Variants in DMD observed in about 807,000 individuals in gnomAD.
DMD encodes dystrophin, also known as mutant dystrophin.
In DMD, 63 loss-of-function variants were observed where a neutral mutation model predicts 330.1. The ratio of observed to expected loss-of-function variants is 0.19; its 90% CI spans 0.16 to 0.24. The LOEUF is 0.24. Among genes scored for constraint, DMD ranks in the 10% least tolerant of loss-of-function variants. The pLI, the probability that DMD is intolerant of heterozygous loss-of-function variation, is 1.00. For missense variants in DMD, 3,344 were observed against 2,684.1 expected, an observed-to-expected ratio of 1.25 and a Z score of -5.43; for synonymous variants, 1,223 against 959.8, an observed-to-expected ratio of 1.27 and a Z score of -5.07.
intron 44 of DMD, among the ~76,000 whole-genome samples, chrX:32,089,722 C>A: frequency 8.9e-6 from 1 of 111,887 alleles, no homozygotes; most frequent in Admixed American, 9.5e-5. Flanking sequence ...CATGTCTTTG[C>A]TATTGTGAGT....
intron 55 of DMD, among the ~76,000 whole-genome samples, chrX:31,572,269 C>T (rs180711042): frequency 4.0e-4 from 45 of 112,386 alleles, no homozygotes; most frequent in Admixed American, 2.3e-3. Context: ...ATAGTAGAAT[C>T]GTGCCGCAGT....
chrX:33,009,628 G>GTATACGTA lies in DMD; in HGVS notation c.93+10510_93+10511insTACGTATA, dbSNP rs1418584127. Reference sequence around the variant, plus strand: ...TATATACACATATGTGTGTATGTGTGTATGTGTATATACACATATGTGTGT... The same window carrying GTATACGTA: ...TATATACACATATGTGTGTATGTGTGTATACGTATATGTGTATATACACATATGTGTGT... On this transcript the variant is annotated intron_variant, in intron 2 of 78. Transcript: ENST00000357033. Among the ~76,000 whole-genome samples, 10 of 49,851 alleles carry GTATACGTA rather than the reference G, an allele frequency of 2.0e-4. 1 individual carries two copies. The highest frequency in any genetic ancestry group is 1.1e-3 in the East Asian group (1 of 890). The allele number at this position is 49,851 out of a possible 115,157, so 43.3% of individuals were successfully genotyped here. A position where few individuals can be genotyped will look rare whatever the true frequency, so the allele number is the denominator to read the frequency against.
intron 55 of DMD, among the ~76,000 whole-genome samples, chrX:31,545,896 G>A (rs1442132244): frequency 1.8e-5 from 2 of 112,003 alleles, no homozygotes; most frequent in African/African-American, 6.5e-5. Flanking sequence ...AACCCTATGA[G>A]GTCATTAATC....
intron 44 of DMD, among the ~76,000 whole-genome samples, chrX:32,007,489 T>C (rs932536112): frequency 1.2e-4 from 13 of 110,860 alleles, no homozygotes; most frequent in Non-Finnish European, 2.5e-4. Flanking sequence ...TGTGGTAATT[T>C]GTTACATCTG....
chrX:32,891,974 C>T (rs1346359515), intron 2 of DMD, among the ~76,000 whole-genome samples: 2 of 111,279 alleles, frequency 1.8e-5, no homozygotes, highest in African/African-American at 6.5e-5. Context: ...AGTATAGCCA[C>T]GTGACACAGA....
At chrX:32,959,389 G>A (rs1050044236) in intron 2 of DMD, among the ~76,000 whole-genome samples, 3 of 111,373 alleles carry the variant, frequency 2.7e-5, no homozygotes, top group Non-Finnish European at 3.8e-5. Flanking sequence ...TGTGTTTTAT[G>A]TAAAACACAC....
chrX:32,211,313 G>C (rs2097092850), intron 44 of DMD, among the ~76,000 whole-genome samples: 1 of 111,976 alleles, frequency 8.9e-6, no homozygotes, highest in African/African-American at 3.2e-5. Flanking sequence ...TTGATGGTGG[G>C]ACCATGTGAA....
intron 43 of DMD, among the ~76,000 whole-genome samples, chrX:32,239,235 T>C (rs1348066197): frequency 2.7e-5 from 3 of 112,047 alleles, no homozygotes; most frequent in Admixed American, 9.5e-5. Context: ...TAGAATGATC[T>C]TCTAAGATTC....
At chrX:32,827,056 ACC>A (rs1174768674) in intron 4 of DMD, among the ~76,000 whole-genome samples, 2 of 59,863 alleles carry the variant, frequency 3.3e-5, no homozygotes, top group Non-Finnish European at 5.9e-5. Context: ...CACACATCGC[ACC>A]CCCCCCCCAC....
chrX:32,551,878 A>C (rs933708750), intron 16 of DMD, among the ~76,000 whole-genome samples: 5 of 111,881 alleles, frequency 4.5e-5, no homozygotes, highest in African/African-American at 1.6e-4. Flanking sequence ...CCCATTCATA[A>C]TTGTCAAAAA....
chrX:32,043,769 A>G (rs1204606771), intron 44 of DMD, among the ~76,000 whole-genome samples: 1 of 112,135 alleles, frequency 8.9e-6, no homozygotes, highest in African/African-American at 3.2e-5. Flanking sequence ...TCACCTAGGC[A>G]GTATGCCCAA....
chrX:31,655,735 T>C lies in DMD; in HGVS notation c.8027+2255A>G, dbSNP rs1603441391. On this transcript the variant is annotated intron_variant, in intron 54 of 78. Coordinates refer to ENST00000357033, the MANE Select transcript of DMD (RefSeq NM_004006.3). ...TCTTTTGGTCTTCCACCTTCCATCA[T>C]GGAATCATGACACAACAAGAAGGCC... 2.7e-5 allele frequency among the ~76,000 whole-genome samples: 3 copies of C among 111,021 alleles called. No homozygotes were observed. The South Asian group carries it at 1.1e-3, about 42-fold the overall frequency.
At chrX:32,767,682 A>AT (rs2148434982) in intron 7 of DMD, among the ~76,000 whole-genome samples, 1 of 111,925 alleles carries the variant, frequency 8.9e-6, no homozygotes, top group East Asian at 2.8e-4. Context: ...TATTAAGCTA[A>AT]TGCTATTTTG....
At chrX:31,677,406 C>T (rs940955954) in intron 53 of DMD, among the ~76,000 whole-genome samples, 2 of 111,872 alleles carry the variant, frequency 1.8e-5, no homozygotes, top group African/African-American at 6.5e-5. Context: ...GGATCCAGTC[C>T]AAACTTCGTA....
chrX:32,217,922 G>T (rs2097119201), intron 43 of DMD, among the ~76,000 whole-genome samples: 1 of 111,635 alleles, frequency 9.0e-6, no homozygotes, highest in South Asian at 3.7e-4. Context: ...TTAAATAACC[G>T]ATATACTAAA....
At chrX:32,915,561 C>G (rs2087721755) in intron 2 of DMD, among the ~76,000 whole-genome samples, 1 of 111,105 alleles carries the variant, frequency 9.0e-6, no homozygotes, top group South Asian at 3.8e-4. Context: ...GGCTAAATCA[C>G]CCCCTCTCTC....
chrX:32,328,970 A>C (rs904331581), intron 41 of DMD, among the ~76,000 whole-genome samples: 1 of 111,644 alleles, frequency 9.0e-6, no homozygotes, highest in African/African-American at 3.3e-5. Context: ...CTGACATAAA[A>C]ATACAGAACA....
At chrX:31,816,762 C>T (rs1484885107) in intron 50 of DMD, among the ~76,000 whole-genome samples, 4 of 93,153 alleles carry the variant, frequency 4.3e-5, no homozygotes, top group East Asian at 7.2e-4. Flanking sequence ...CGCACCACTG[C>T]ACTCCAGCCT....
intron 62 of DMD, among the ~76,000 whole-genome samples, chrX:31,278,877 T>C (rs1323734048): frequency 8.9e-6 from 1 of 112,106 alleles, no homozygotes; most frequent in African/African-American, 3.2e-5. Flanking sequence ...ATTAAGTGCT[T>C]GGGGAAATTA....
Sources: gnomAD v4.1 joint callset for allele counts (sites outside exome capture counted in the v4.1 genomes callset) on GRCh38, gnomAD v4.1.1 for gene constraint, MANE v1.5 for transcripts, NCBI Gene and HGNC (gene_info 2026-07-23, HGNC 2026-07-21) for gene names.